LARP1B: variants seen among roughly 807,000 people sequenced by gnomAD.
The protein encoded by LARP1B is la-related protein 1B.
In LARP1B, 76 loss-of-function variants were observed where a neutral mutation model predicts 114.2. The observed-to-expected ratio is 0.67, with a 90% CI of 0.55 to 0.81. The LOEUF (loss-of-function observed/expected upper bound fraction) is 0.81, where lower values mean the gene tolerates loss of function less well. Ranked by LOEUF, LARP1B falls within the 30% of genes least tolerant of loss-of-function variation. The probability of loss-of-function intolerance (pLI) is 0.00; values close to 1 mark genes in which losing one functional copy is unlikely to be tolerated. For missense variants in LARP1B, 1,014 were observed against 1,075.8 expected (o/e 0.94, Z 0.80); for synonymous variants, 345 against 348.0 (o/e 0.99, Z 0.10).
intron 11 of LARP1B, among the ~76,000 whole-genome samples, chr4:128,132,069 GAA>G (rs1791728564): frequency 6.6e-6 from 1 of 152,132 alleles, no homozygotes; most frequent in Non-Finnish European, 1.5e-5. Flanking sequence ...GTAATCCAAA[GAA>G]ACAAAGACAT....
intron 8 of LARP1B, among the ~76,000 whole-genome samples, chr4:128,101,199 C>T (rs1013960751): frequency 1.3e-5 from 2 of 150,914 alleles, no homozygotes; most frequent in African/African-American, 4.9e-5. Context: ...CAGGGCTGGG[C>T]GCGGTGGCTC....
intron 19 of LARP1B, among the ~76,000 whole-genome samples, chr4:128,208,407 T>A (rs1758170652): frequency 6.6e-6 from 1 of 152,090 alleles, no homozygotes; most frequent in Admixed American, 6.5e-5. Flanking sequence ...AGGTTCATCA[T>A]CTCTGCTTTG....
chr4:128,176,302 T>TA (rs1491566421), intron 12 of LARP1B, among the ~76,000 whole-genome samples: 229 of 139,848 alleles, frequency 1.6e-3, no homozygotes, highest in South Asian at 0.012. Flanking sequence ...TATATATATA[T>TA]TTTTTTTTTA....
upstream of LARP1B, chr4:128,061,188 G>C (rs1474045372): frequency 2.0e-5 from 3 of 152,100 alleles, no homozygotes; most frequent in Admixed American, 1.3e-4. Flanking sequence ...GGGCGAATCC[G>C]TCAGCTCCCG....
intron 11 of LARP1B, among the ~76,000 whole-genome samples, chr4:128,147,280 G>T (rs1386265510): frequency 6.6e-6 from 1 of 152,148 alleles, no homozygotes; most frequent in Non-Finnish European, 1.5e-5. Context: ...AGATCGCCTG[G>T]TTTCTTTGCT....
At chr4:128,136,315 G>GAAAAAAAAAAAAAAAAAAAA (rs763929976) in intron 11 of LARP1B, among the ~76,000 whole-genome samples, 1 of 111,768 alleles carries the variant, frequency 8.9e-6, no homozygotes. Context: ...ACAGTCTCAA[G>GAAAAAAAAAAAAAAAAAAAA]AAAAACAAAA....
At chr4:128,217,185 T>A (rs1426608762) in intron 6 of LARP1B, among the ~76,000 whole-genome samples, 1 of 137,076 alleles carries the variant, frequency 7.3e-6, no homozygotes, top group East Asian at 2.1e-4. Flanking sequence ...CAGGACCAGA[T>A]GGATTCACAG....
At chr4:128,198,255 T>G (rs1402593897) in intron 15 of LARP1B, among the ~76,000 whole-genome samples, 3 of 152,146 alleles carry the variant, frequency 2.0e-5, no homozygotes, top group African/African-American at 4.8e-5. Context: ...TGTAAAAAAA[T>G]GTATAACATG....
At chr4:128,108,842 T>C (rs932390217) in intron 9 of LARP1B, 17 of 981,700 alleles carry the variant, frequency 1.7e-5, no homozygotes, top group Non-Finnish European at 2.1e-5. Context: ...GTCAGTCAAG[T>C]TGGTAATGCC....
intron 12 of LARP1B, among the ~76,000 whole-genome samples, chr4:128,167,509 C>G (rs1283871099): frequency 6.6e-6 from 1 of 151,920 alleles, no homozygotes; most frequent in Non-Finnish European, 1.5e-5. Flanking sequence ...TTTTCTTATT[C>G]TGTAGGTTGT....
intron 17 of LARP1B, among the ~76,000 whole-genome samples, chr4:128,205,313 A>G (rs1757274089): frequency 6.6e-6 from 1 of 152,214 alleles, no homozygotes; most frequent in African/African-American, 2.4e-5. Flanking sequence ...AGGTACCCAG[A>G]ATGACTTAGG....
chr4:128,185,927 A>T (rs2150738123), intron 15 of LARP1B, among the ~76,000 whole-genome samples: 1 of 152,256 alleles, frequency 6.6e-6, no homozygotes, highest in South Asian at 2.1e-4. Flanking sequence ...CACTTATCGA[A>T]GTGACTGTCC....
intron 6 of LARP1B, among the ~76,000 whole-genome samples, chr4:128,219,095 A>G (rs978322708): frequency 1.3e-5 from 2 of 150,726 alleles, no homozygotes; most frequent in African/African-American, 4.9e-5. Context: ...CCACTATGAG[A>G]TATCATCTCA....
Position 128,189,317 on chromosome 4 carries a change from A to T in LARP1B, c.2003+9805A>T, listed in dbSNP as rs1301608122. 3.7e-4 allele frequency among the ~76,000 whole-genome samples: 8 copies of T among 21,882 alleles called. No individual in the cohort carries two copies. The East Asian group carries it at 4.7e-3, about 13-fold the overall frequency. 14.4% of individuals were successfully genotyped at this position (21,882 alleles called of 152,430 possible). A position where few individuals can be genotyped will look rare whatever the true frequency, so the allele number is the denominator to read the frequency against. ...TTGTTCTATTTTGTTTGATACAAGT[A>T]TGGCTACTTTTTTTTTTTTTTTTTT... On this transcript the variant is annotated intron_variant, in intron 15 of 19. Transcript: ENST00000326639.
intron 1 of LARP1B, among the ~76,000 whole-genome samples, chr4:128,066,382 C>T (rs988170118): frequency 4.0e-5 from 6 of 151,272 alleles, no homozygotes; most frequent in African/African-American, 1.5e-4. Flanking sequence ...ATTTCACCAT[C>T]TTAGCCAGGA....
chr4:128,133,999 A>ATTT (rs71587365), intron 11 of LARP1B, among the ~76,000 whole-genome samples: 5,790 of 138,998 alleles, frequency 0.042, 171 homozygotes, highest in East Asian at 0.1. Context: ...GCCCAGCCCA[A>ATTT]TTTTTTTTTT....
At chr4:128,064,281 A>AAAAAAG (rs1318277937) in intron 1 of LARP1B, among the ~76,000 whole-genome samples, 1 of 151,256 alleles carries the variant, frequency 6.6e-6, no homozygotes, top group South Asian at 2.1e-4. Context: ...CAAAAAAAAA[A>AAAAAAG]AAAAAAAAAG....
chr4:128,155,910 C>A, intron 11 of LARP1B: 1 of 1,547,236 alleles, frequency 6.5e-7, no homozygotes, highest in South Asian at 1.1e-5. Context: ...TCTGCAAAAT[C>A]CCCGAAGGAG....
chr4:128,083,504 C>G (rs371748789), intron 5 of LARP1B, among the ~76,000 whole-genome samples: 3 of 150,558 alleles, frequency 2.0e-5, no homozygotes, highest in African/African-American at 2.4e-5. Context: ...GGGCGCCTCA[C>G]TTCCCAGTAG....
Sources: allele counts gnomAD v4.1 joint callset (sites outside exome capture counted in the v4.1 genomes callset), GRCh38; gene constraint gnomAD v4.1.1; transcripts MANE v1.5; gene names NCBI Gene and HGNC (gene_info 2026-07-23, HGNC 2026-07-21).